The following INPP5D variants were observed in gnomAD, a reference collection of about 807,000 sequenced individuals.
The protein encoded by INPP5D is phosphatidylinositol 3,4,5-trisphosphate 5-phosphatase 1.
INPP5D carries 33 observed loss-of-function variants against 122.9 expected under a neutral mutation model. The ratio of observed to expected loss-of-function variants is 0.27; its 90% CI spans 0.20 to 0.36. INPP5D has a LOEUF of 0.36. Ranked by LOEUF, INPP5D falls within the 10% of genes least tolerant of loss-of-function variation. The probability of loss-of-function intolerance (pLI) is 1.00; values close to 1 mark genes in which losing one functional copy is unlikely to be tolerated. For missense variants in INPP5D, 1,053 were observed against 1,412.7 expected, an observed-to-expected ratio of 0.75 and a Z score of 4.08; for synonymous variants, 584 against 576.2, an observed-to-expected ratio of 1.01 and a Z score of -0.19.
chr2:233,067,017 A>G (rs1005225951), intron 1 of INPP5D, among the ~76,000 whole-genome samples: 1 of 152,132 alleles, frequency 6.6e-6, no homozygotes, highest in Non-Finnish European at 1.5e-5. Context: ...ACCTCAGGTG[A>G]TCTGCCCGCC....
chr2:233,140,447 A>G (rs1693610257), intron 6 of INPP5D: 2 of 152,278 alleles, frequency 1.3e-5, no homozygotes, highest in South Asian at 4.1e-4. Context: ...GCTGTATCTC[A>G]GAAGAAAATA....
In INPP5D at chr2:233,164,641, C is replaced by T. The variant is rs548781146; in HGVS notation, c.1555+217C>T. ...CAGTCCCAGGGATCTAGCTAAAATG[C>T]AGGTTCCGACCCAGTAGATCTTGGG... On this transcript the variant is annotated intron_variant, in intron 13 of 26. Coordinates refer to ENST00000445964, the MANE Select transcript of INPP5D (RefSeq NM_001017915.3). The surrounding 1 kb of genome is among the most constrained non-coding windows in gnomAD (Gnocchi z 4.3). Among the ~76,000 whole-genome samples the T allele has an allele frequency of 1.1e-4, 16 of 152,312 alleles. No homozygotes were observed. The highest frequency in any genetic ancestry group is 3.6e-4 in the African/African-American group (15 of 41,566).
intron 1 of INPP5D, among the ~76,000 whole-genome samples, chr2:233,060,823 G>T (rs1357108141): frequency 2.0e-5 from 3 of 152,228 alleles, no homozygotes; most frequent in African/African-American, 7.2e-5. Context: ...ACCACTCTGA[G>T]GCCTGATGTT....
chr2:233,180,415 C>T (rs1403255227), intron 18 of INPP5D, among the ~76,000 whole-genome samples: 1 of 152,138 alleles, frequency 6.6e-6, no homozygotes, highest in Non-Finnish European at 1.5e-5. Flanking sequence ...GAACACCCCT[C>T]CTCCACTGCC....
At chr2:233,156,350 C>T (rs1206702340) in intron 9 of INPP5D, among the ~76,000 whole-genome samples, 1 of 152,176 alleles carries the variant, frequency 6.6e-6, no homozygotes, top group Non-Finnish European at 1.5e-5. Flanking sequence ...AGTGCAGTGA[C>T]ACGATCTTGG....
chr2:233,169,327 G>A lies in INPP5D; in HGVS notation c.1578G>A (p.Val526=). 1 of 1,605,586 alleles carries A rather than the reference G, an allele frequency of 6.2e-7. No individual in the cohort carries two copies. The change falls in exon 14 of 27, where the codon GTG becomes GTA. Residue 526 remains valine, a synonymous_variant. Transcript: ENST00000445964. Reference sequence around the variant, plus strand: ...TAGGGAACAAGGGAGCCGTGGGGGTGTCGTTCATGTTCAATGGAACCTCCT... The same window carrying A: ...TAGGGAACAAGGGAGCCGTGGGGGTATCGTTCATGTTCAATGGAACCTCCT... ...NTLGNKGAVG[V]SFMFNGTSLG...
Position 233,115,415 on chromosome 2 carries a change from T to C in INPP5D, c.199-6692T>C, listed in dbSNP as rs144783004. On this transcript the variant is annotated intron_variant, in intron 2 of 26. Transcript: ENST00000445964. ...GAGCCTGTGCAATGACTTTCCTGGATGGTGTGACTTTCCTGGATGGTGTTG... is the reference window on the plus strand; with the variant it reads ...GAGCCTGTGCAATGACTTTCCTGGACGGTGTGACTTTCCTGGATGGTGTTG... Among the ~76,000 whole-genome samples, 1,030 of 152,266 alleles carry C rather than the reference T, an allele frequency of 6.8e-3. 9 individuals are homozygous for C. The highest frequency in any genetic ancestry group is 9.8e-3 in the Admixed American group (150 of 15,300).
chr2:233,191,461 T>G (rs556946193), intron 22 of INPP5D, among the ~76,000 whole-genome samples: 2 of 152,298 alleles, frequency 1.3e-5, no homozygotes, highest in South Asian at 4.1e-4. Context: ...GCATGAATGA[T>G]GCTTCTACTT....
intron 11 of INPP5D, among the ~76,000 whole-genome samples, 186 bp downstream of exon 11, chr2:233,162,012 T>C (rs1694211454): frequency 6.6e-6 from 1 of 152,044 alleles, no homozygotes; most frequent in African/African-American, 2.4e-5. Flanking sequence ...TTTCCTGAGA[T>C]GATGGGTAAG....
chr2:233,112,210 G>A (rs1460165767), intron 2 of INPP5D, among the ~76,000 whole-genome samples: 4 of 152,220 alleles, frequency 2.6e-5, no homozygotes, highest in East Asian at 1.9e-4. Context: ...TCGCTTCGAC[G>A]GTTATTAATT....
chr2:233,197,969 A>G lies in INPP5D; in HGVS notation c.2694-126A>G. ...GAATGAATGAATGGATCACTGCCCA[A>G]GAGGTGAAGGAGTTGAGGAGAGCTC... On this transcript the variant is annotated intron_variant, in intron 24 of 26. Transcript: ENST00000445964. This position sits in a 1 kb window ranked among gnomAD's most constrained non-coding sequence, Gnocchi z 4.4. The G allele has an allele frequency of 1.5e-6, 2 of 1,336,442 alleles. No homozygotes were observed. The highest frequency in any genetic ancestry group is 2.0e-6 in the Non-Finnish European group (2 of 1,017,148). The allele number at this position is 1,336,442 out of a possible 1,614,324, so 82.8% of individuals were successfully genotyped here. A position where few individuals can be genotyped will look rare whatever the true frequency, so the allele number is the denominator to read the frequency against.
intron 20 of INPP5D, 99 bp downstream of exon 20, chr2:233,184,620 G>T (rs1694862036): frequency 6.7e-7 from 1 of 1,492,204 alleles, no homozygotes. Context: ...TCTCTCCCTG[G>T]AAAGGACTCA....
At position 233,097,739 on chromosome 2, in the gene INPP5D, A is replaced by G. The variant is rs1283554986; in HGVS notation, c.198+18341A>G. 3.3e-5 allele frequency among the ~76,000 whole-genome samples: 5 copies of G among 152,084 alleles called. No individual in the cohort carries two copies. In the East Asian group the frequency reaches 9.6e-4, roughly 29 times the overall value. On this transcript the variant is annotated intron_variant, in intron 2 of 26. Coordinates refer to ENST00000445964, the MANE Select transcript of INPP5D (RefSeq NM_001017915.3). ...TTCTTTTGGCTTCCCTAGGTAAATG[A>G]TCTTGTTTTGTGCAAATAATGGCAG...
At chr2:233,110,651 G>T (rs568057660) in intron 2 of INPP5D, among the ~76,000 whole-genome samples, 18 of 152,342 alleles carry the variant, frequency 1.2e-4, no homozygotes, top group African/African-American at 4.3e-4. Context: ...GCCGGGTGCA[G>T]TGGCTGACGC....
At chr2:233,086,119 CTCTTTCTTTCTT>C (rs10539341) in intron 2 of INPP5D, among the ~76,000 whole-genome samples, 4,069 of 93,904 alleles carry the variant, frequency 0.043, 135 homozygotes, top group East Asian at 0.13. Context: ...ATAAGATAGC[CTCTTTCTTTCTT>C]TCTTTCTTTC....
In INPP5D at chr2:233,204,107, G is replaced by T. The variant is rs1289299866; in HGVS notation, c.2976-19G>T. ...TCTCCCCTGGACATGTGTCTTCCCT[G>T]CTCTGTCCCTGGCTCTAGGCCCAGT... On this transcript the variant is annotated intron_variant, in intron 25 of 26. Transcript: ENST00000445964. 1.3e-6 allele frequency: 2 copies of T among 1,505,202 alleles called. No homozygotes were observed. Among genetic ancestry groups the T allele is most frequent in the Non-Finnish European group, 1.8e-6 (2 of 1,124,712 alleles). 93.2% of individuals were successfully genotyped at this position (1,505,202 alleles called of 1,614,324 possible). A position where few individuals can be genotyped will look rare whatever the true frequency, so the allele number is the denominator to read the frequency against.
intron 17 of INPP5D, among the ~76,000 whole-genome samples, chr2:233,172,681 C>T (rs1004521703): frequency 1.3e-5 from 2 of 152,108 alleles, no homozygotes; most frequent in Non-Finnish European, 2.9e-5. Context: ...AGCGATGCGT[C>T]GCTTAACAAC....
intron 2 of INPP5D, among the ~76,000 whole-genome samples, chr2:233,110,340 C>G (rs1692586649): frequency 6.6e-6 from 1 of 152,008 alleles, no homozygotes; most frequent in South Asian, 2.1e-4. Flanking sequence ...CGGGTGTGAG[C>G]CACTGTGCCT....
chr2:233,065,758 T>C (rs1000871160), intron 1 of INPP5D, among the ~76,000 whole-genome samples: 13 of 151,878 alleles, frequency 8.6e-5, no homozygotes, highest in Non-Finnish European at 1.6e-4. Flanking sequence ...GCAATTCTTC[T>C]GCCTCAGCCT....
Sources: gnomAD v4.1 joint callset for allele counts (sites outside exome capture counted in the v4.1 genomes callset) on GRCh38, gnomAD v4.1.1 for gene constraint, Gnocchi (gnomAD v3.1) non-coding constraint, MANE v1.5 for transcripts, NCBI Gene and HGNC (gene_info 2026-07-23, HGNC 2026-07-21) for gene names.